CD200R1: variants seen among roughly 807,000 people sequenced by gnomAD.
CD200R1 encodes CD200 receptor 1.
CD200R1 carries 30 observed loss-of-function variants against 38.1 expected under a neutral mutation model. The observed-to-expected ratio is 0.79, with a 90% CI of 0.59 to 1.07. The LOEUF (loss-of-function observed/expected upper bound fraction) is 1.07. CD200R1 is among the 50% of genes least tolerant of loss of function. The pLI, the probability that CD200R1 is intolerant of heterozygous loss-of-function variation, is 0.00. For synonymous variants in CD200R1, 128 were observed against 152.1 expected, an observed-to-expected ratio of 0.84 and a Z score of 1.16; for missense variants, 372 against 415.4, an observed-to-expected ratio of 0.90 and a Z score of 0.91.
intron 3 of CD200R1, 57 bp downstream of exon 3, chr3:112,931,049 T>C: frequency 8.0e-7 from 1 of 1,243,326 alleles, no homozygotes; most frequent in Non-Finnish European, 1.2e-6. Flanking sequence ...CTAATATTTC[T>C]AAGGAAGTTC....
chr3:112,935,099 T>C (rs1940545170), intron 2 of CD200R1, among the ~76,000 whole-genome samples: 1 of 152,184 alleles, frequency 6.6e-6, no homozygotes, highest in Non-Finnish European at 1.5e-5. Flanking sequence ...ATAAAGCTAA[T>C]ATTATTAAAG....
At chr3:112,950,019 CTCTTAG>C (rs1389928505) in intron 1 of CD200R1, among the ~76,000 whole-genome samples, 1 of 152,122 alleles carries the variant, frequency 6.6e-6, no homozygotes, top group African/African-American at 2.4e-5. Flanking sequence ...GTAAAAATAT[CTCTTAG>C]TCATATGAAA....
chr3:112,932,495 G>GA (rs1940468664), intron 2 of CD200R1, among the ~76,000 whole-genome samples: 1 of 152,036 alleles, frequency 6.6e-6, no homozygotes, highest in South Asian at 2.1e-4. Context: ...CAGGGCCTGG[G>GA]AAACAGTCCT....
intron 1 of CD200R1, among the ~76,000 whole-genome samples, chr3:112,965,220 G>A (rs913068067): frequency 6.6e-6 from 1 of 152,144 alleles, no homozygotes; most frequent in African/African-American, 2.4e-5. Flanking sequence ...AAGAAGCTTT[G>A]TGATTTGGTA....
At chr3:112,933,705 A>T (rs180884400) in intron 2 of CD200R1, among the ~76,000 whole-genome samples, 45 of 152,318 alleles carry the variant, frequency 3.0e-4, no homozygotes, top group Admixed American at 2.2e-3. Context: ...AAACTCAATG[A>T]GATAAAAGAG....
intron 1 of CD200R1, among the ~76,000 whole-genome samples, chr3:112,970,806 AT>A (rs1228963645): frequency 6.6e-6 from 1 of 152,054 alleles, no homozygotes; most frequent in Non-Finnish European, 1.5e-5. Context: ...CCTCTATCTA[AT>A]GTCTCATCTT....
At chr3:112,959,866 C>A (rs986132713) in intron 1 of CD200R1, among the ~76,000 whole-genome samples, 3 of 152,034 alleles carry the variant, frequency 2.0e-5, no homozygotes, top group Non-Finnish European at 4.4e-5. Flanking sequence ...ATGACTTTTA[C>A]TTCTTCCTTT....
chr3:112,930,514 G>A (rs1315944501), intron 3 of CD200R1, among the ~76,000 whole-genome samples: 4 of 152,186 alleles, frequency 2.6e-5, no homozygotes, highest in Admixed American at 6.5e-5. Context: ...ATCTTCCAAC[G>A]TAGAACCTCA....
At chr3:112,967,228 T>C (rs1032726) in intron 1 of CD200R1, among the ~76,000 whole-genome samples, 69,888 of 151,890 alleles carry the variant, frequency 0.46, 16,028 homozygotes, top group East Asian at 0.5. Context: ...TCTTGCTCCT[T>C]AACCCCTTGA....
Position 112,947,846 on chromosome 3 carries a change from T to G in CD200R1, c.136+10A>C. 1.9e-6 allele frequency: 3 copies of G among 1,591,648 alleles called. No individual in the cohort carries two copies. The highest frequency in any genetic ancestry group is 1.7e-6 in the Non-Finnish European group (2 of 1,159,598). ...CCCTACTAGAATTATTGTTAAAAGA[T>G]GCACATTACCTAAAGCATGATTCTC... is the stretch of plus-strand genomic sequence containing the variant. On this transcript the variant is annotated intron_variant, in intron 2 of 7. Transcript: ENST00000308611.
At chr3:112,927,546 C>T (rs1189944407) in intron 5 of CD200R1, among the ~76,000 whole-genome samples, 2 of 152,040 alleles carry the variant, frequency 1.3e-5, no homozygotes, top group Non-Finnish European at 2.9e-5. Context: ...GAAGAAAAGT[C>T]TCATATATGA....
At position 112,935,327 on chromosome 3, in the gene CD200R1, C is replaced by T. The variant is rs143492461; in HGVS notation, c.137-4156G>A. The stretch of plus-strand genomic sequence containing the variant: ...CACATGGAACATTCTCCAGAATTGA[C>T]AATATGTTAGGTCACAAAACAAGTC... On this transcript the variant is annotated intron_variant, in intron 2 of 7. Coordinates refer to ENST00000308611, the MANE Select transcript of CD200R1 (RefSeq NM_138806.4). Among the ~76,000 whole-genome samples, 350 of 152,210 alleles carry T rather than the reference C, an allele frequency of 2.3e-3. 1 individual carries two copies. Among genetic ancestry groups the T allele is most frequent in the African/African-American group, 7.3e-3 (303 of 41,542 alleles).
At chr3:112,971,631 C>CA (rs1237082450) in intron 1 of CD200R1, among the ~76,000 whole-genome samples, 1 of 152,080 alleles carries the variant, frequency 6.6e-6, no homozygotes, top group African/African-American at 2.4e-5. Context: ...CATTATTCTC[C>CA]AAAAAATCCT....
rs143815417 is a variant in CD200R1, at chr3:112,938,525, C to T, written c.137-7354G>A. On this transcript the variant is annotated intron_variant, in intron 2 of 7. Transcript: ENST00000308611. ...AGATTAGAGAAAACTGAAAAATTCC[C>T]GGATACAGACAACCTAACAACTTTA... 1.4e-4 allele frequency among the ~76,000 whole-genome samples: 21 copies of T among 151,996 alleles called. No homozygotes were observed. In the South Asian group the frequency reaches 2.5e-3, roughly 18 times the overall value.
chr3:112,972,048 G>T (rs866185638), intron 1 of CD200R1, among the ~76,000 whole-genome samples: 2 of 151,902 alleles, frequency 1.3e-5, no homozygotes, highest in African/African-American at 2.4e-5. Flanking sequence ...TCTTACCTTT[G>T]TCTTTCTAAT....
At chr3:112,936,810 T>A (rs142197350) in intron 2 of CD200R1, among the ~76,000 whole-genome samples, 3,258 of 152,300 alleles carry the variant, frequency 0.021, 40 homozygotes, top group South Asian at 0.047. Context: ...TTTAATCAGA[T>A]CCCATTTGTC....
chr3:112,948,035 G>A (rs1940902618), intron 1 of CD200R1, 111 bp from the exon 2 acceptor site: 2 of 733,004 alleles, frequency 2.7e-6, no homozygotes, highest in Non-Finnish European at 4.8e-6. Flanking sequence ...TTGTATTGCA[G>A]TTGCCAATGA....
intron 1 of CD200R1, among the ~76,000 whole-genome samples, chr3:112,956,041 T>C (rs539711126): frequency 7.9e-5 from 12 of 152,228 alleles, no homozygotes; most frequent in Non-Finnish European, 1.8e-4. Context: ...TACCTGAATA[T>C]TTTTATCTTT....
intron 1 of CD200R1, among the ~76,000 whole-genome samples, chr3:112,968,646 A>G (rs1933224908): frequency 6.6e-6 from 1 of 152,206 alleles, no homozygotes; most frequent in East Asian, 1.9e-4. Context: ...TTTTCTGAAG[A>G]ACCAGCAGGC....
Sources: allele counts gnomAD v4.1 joint callset (sites outside exome capture counted in the v4.1 genomes callset), GRCh38; gene constraint gnomAD v4.1.1; transcripts MANE v1.5; gene names NCBI Gene and HGNC (gene_info 2026-07-23, HGNC 2026-07-21).